ARHGEF10L: variants seen among roughly 807,000 people sequenced by gnomAD.
ARHGEF10L encodes the protein rho guanine nucleotide exchange factor 10-like protein.
In ARHGEF10L, 69 loss-of-function variants were observed where a neutral mutation model predicts 141.2. The observed-to-expected ratio is 0.49, with a 90% CI of 0.40 to 0.60. The LOEUF is 0.60. ARHGEF10L is among the 20% of genes least tolerant of loss of function. ARHGEF10L has a pLI of 0.00. For synonymous variants in ARHGEF10L, 711 were observed against 718.5 expected (o/e 0.99, Z 0.17); for missense variants, 1,482 against 1,734.3 (o/e 0.85, Z 2.58).
intron 26 of ARHGEF10L, among the ~76,000 whole-genome samples, chr1:17,674,849 G>A (rs759416507): frequency 6.6e-6 from 1 of 152,252 alleles, no homozygotes; most frequent in East Asian, 1.9e-4. Flanking sequence ...CATGCTGTAC[G>A]GGTATGAGGC....
At position 17,687,594 on chromosome 1, in the gene ARHGEF10L, G is replaced by C. The variant is rs1308427950; in HGVS notation, c.3031G>C (p.Asp1011His). The stretch of plus-strand genomic sequence containing the variant: ...ACAGCAAAGCTTCGAGGCGCACCAG[G>C]ACGAGGCAGTGAGCGTGACACACAT... ...QPQQSFEAHQDEAVSVTHMVK... is the reference protein window; with the variant it reads ...QPQQSFEAHQHEAVSVTHMVK... The change falls in exon 27 of 29, where the codon GAC becomes CAC. Residue 1011 changes from aspartate (D) to histidine (H), a missense_variant. Physicochemically the swap from Asp to His is moderately conservative, Grantham distance 81. Transcript: ENST00000361221. The C allele has an allele frequency of 6.2e-7, 1 of 1,613,014 alleles. No individual in the cohort carries two copies. Among genetic ancestry groups the C allele is most frequent in the Non-Finnish European group, 8.5e-7 (1 of 1,179,950 alleles).
chr1:17,675,276 C>A (rs561404350), intron 26 of ARHGEF10L, among the ~76,000 whole-genome samples: 10 of 152,354 alleles, frequency 6.6e-5, no homozygotes, highest in African/African-American at 2.2e-4. Context: ...GGAAGCAGGG[C>A]AACCGCCTTG....
chr1:17,524,445 G>A, the ARHGEF10L span, among the ~76,000 whole-genome samples: 102 of 147,300 alleles, frequency 6.9e-4, 1 homozygote, highest in Non-Finnish European at 1.4e-3. Context: ...GTGGTGGCTC[G>A]CCTGTAGTCC....
At position 17,697,157 on chromosome 1, in the gene ARHGEF10L, A is replaced by G; in HGVS notation, c.3617A>G (p.Glu1206Gly). The change falls in exon 29 of 29, where the codon GAG (glutamate) becomes GGG (glycine). Residue 1206 changes from glutamate (E) to glycine (G), a missense_variant. This residue lies in a region of ARHGEF10L where 858 missense variants were observed against 966.3 expected (regional missense o/e 0.89). Transcript: ENST00000361221. The surrounding 1 kb of genome is among the most constrained non-coding windows in gnomAD (Gnocchi z 4.8). ...GGCGCAGCTTTGGAGCACAGCGAGGAGGACGGCTCCATTTACGAGATGGCC... is the reference window on the plus strand; with the variant it reads ...GGCGCAGCTTTGGAGCACAGCGAGGGGGACGGCTCCATTTACGAGATGGCC... ...ADGAALEHSE[E>G]DGSIYEMADD... 1 of 1,612,034 alleles carries G rather than the reference A, an allele frequency of 6.2e-7. No homozygotes were observed.
In ARHGEF10L at chr1:17,628,950, T is replaced by C. The variant is rs567548851; in HGVS notation, c.1584+1447T>C. ...GCCAAGCTTCAGGCAACCCACATCT[T>C]AGGACTCTGTTGCTTCAGGCCAAAT... On this transcript the variant is annotated intron_variant, in intron 15 of 28. Transcript: ENST00000361221. Among the ~76,000 whole-genome samples the C allele has an allele frequency of 5.3e-5, 8 of 152,316 alleles. No individual in the cohort carries two copies. In the East Asian group the frequency reaches 1.5e-3, roughly 29 times the overall value.
chr1:17,551,078 AC>A (rs1453196997), intron 1 of ARHGEF10L, among the ~76,000 whole-genome samples: 1 of 151,990 alleles, frequency 6.6e-6, no homozygotes, highest in African/African-American at 2.4e-5. Context: ...GAGGATTCAC[AC>A]CAAGGGGGGC....
intron 25 of ARHGEF10L, among the ~76,000 whole-genome samples, chr1:17,659,732 C>G (rs2062493664): frequency 6.6e-6 from 1 of 152,234 alleles, no homozygotes; most frequent in Admixed American, 6.5e-5. Flanking sequence ...TGTTCACTGT[C>G]CTGCCGGGTT....
At chr1:17,554,583 C>CTTTTT (rs970778480) in intron 1 of ARHGEF10L, among the ~76,000 whole-genome samples, 10 of 122,308 alleles carry the variant, frequency 8.2e-5, no homozygotes, top group Non-Finnish European at 1.2e-4. Flanking sequence ...TCCTTCCTTC[C>CTTTTT]TTTTTTTTTT....
intron 1 of ARHGEF10L, among the ~76,000 whole-genome samples, chr1:17,547,810 C>A (rs1175289597): frequency 6.6e-6 from 1 of 152,148 alleles, no homozygotes; most frequent in East Asian, 1.9e-4. Context: ...CTGAAGACAG[C>A]CTCTCTCAAT....
chr1:17,525,457 G>C, the ARHGEF10L span, among the ~76,000 whole-genome samples: 1 of 152,130 alleles, frequency 6.6e-6, no homozygotes. Flanking sequence ...TGACCTCTTG[G>C]GGCCTCAGTT....
chr1:17,594,994 C>T (rs1035387242), intron 4 of ARHGEF10L, among the ~76,000 whole-genome samples: 1 of 152,152 alleles, frequency 6.6e-6, no homozygotes, highest in African/African-American at 2.4e-5. Context: ...ACCTGAGATG[C>T]TCTTCAGTCC....
intron 11 of ARHGEF10L, among the ~76,000 whole-genome samples, chr1:17,622,480 G>T (rs917770779): frequency 6.6e-6 from 1 of 152,152 alleles, no homozygotes; most frequent in African/African-American, 2.4e-5. Flanking sequence ...CCGGGCGGTT[G>T]TGGGCTACCA....
chr1:17,566,649 G>A (rs779167698), intron 1 of ARHGEF10L, among the ~76,000 whole-genome samples: 6 of 152,196 alleles, frequency 3.9e-5, no homozygotes, highest in Admixed American at 2.0e-4. Context: ...GTGTTGGGCC[G>A]GTCATCACAT....
intron 4 of ARHGEF10L, among the ~76,000 whole-genome samples, chr1:17,598,773 C>CT (rs113297592): frequency 0.01 from 1,510 of 145,052 alleles, 20 homozygotes; most frequent in South Asian, 0.034. Context: ...CTCTCTCTCT[C>CT]TTTTTTTTTT....
At chr1:17,669,111 G>C (rs1015340977) in intron 26 of ARHGEF10L, among the ~76,000 whole-genome samples, 5 of 152,210 alleles carry the variant, frequency 3.3e-5, no homozygotes, top group Non-Finnish European at 2.9e-5. Context: ...CAGAGGAAGG[G>C]CATTCCTTGC....
intron 26 of ARHGEF10L, among the ~76,000 whole-genome samples, chr1:17,680,018 C>T (rs1259701641): frequency 4.6e-5 from 7 of 152,148 alleles, no homozygotes; most frequent in African/African-American, 1.7e-4. Flanking sequence ...ATGAGACCCT[C>T]GGAGGACAGC....
At chr1:17,539,444 T>A (rs1159123925), upstream of ARHGEF10L, among the ~76,000 whole-genome samples, 1 of 151,436 alleles carries the variant, frequency 6.6e-6, no homozygotes, top group Non-Finnish European at 1.5e-5. This position sits in a 1 kb window ranked among gnomAD's most constrained non-coding sequence, Gnocchi z 6.0. Context: ...CCGGGGTAGG[T>A]GAAGGAGCGA....
Position 17,649,135 on chromosome 1 carries a change from C to T in ARHGEF10L, c.2394+460C>T, listed in dbSNP as rs577805967. 6.6e-5 allele frequency among the ~76,000 whole-genome samples: 10 copies of T among 152,328 alleles called. No individual in the cohort carries two copies. In the East Asian group the frequency reaches 1.5e-3, roughly 24 times the overall value. On this transcript the variant is annotated intron_variant, in intron 22 of 28. Transcript: ENST00000361221. ...CCCCCTGGTTCTTTCCTGCTATTCT[C>T]TTATTTTAATATCTATAAGAACCTT...
At chr1:17,684,556 C>T (rs1370700245) in intron 26 of ARHGEF10L, among the ~76,000 whole-genome samples, 1 of 152,158 alleles carries the variant, frequency 6.6e-6, no homozygotes, top group Admixed American at 6.5e-5. Context: ...ACCCCCGATA[C>T]CTCTGGAGCC....
Sources: allele counts gnomAD v4.1 joint callset (sites outside exome capture counted in the v4.1 genomes callset), GRCh38; gene constraint gnomAD v4.1.1; regional missense constraint gnomAD v4.1.1; non-coding constraint Gnocchi (gnomAD v3.1); transcripts MANE v1.5; gene names NCBI Gene and HGNC (gene_info 2026-07-23, HGNC 2026-07-21).